CLPTM1L: variants seen among roughly 807,000 people sequenced by gnomAD.
CLPTM1L encodes the protein lipid scramblase CLPTM1L.
CLPTM1L carries 38 observed loss-of-function variants against 70.9 expected under a neutral mutation model. The observed-to-expected ratio is 0.54, with a 90% CI of 0.41 to 0.70. CLPTM1L has a LOEUF of 0.70. Ranked by LOEUF, CLPTM1L falls within the 30% of genes least tolerant of loss-of-function variation. CLPTM1L has a pLI of 0.00. For missense variants in CLPTM1L, 652 were observed against 705.9 expected (o/e 0.92, Z 0.87); for synonymous variants, 339 against 299.9 (o/e 1.13, Z -1.35).
chr5:1,342,042 A>ACG lies in CLPTM1L; in HGVS notation c.264-184_264-183dup, dbSNP rs113865534. ...TGTGTGTGTGTGTGTGTGTGTGTGCACGCGCACGCGTGCGCGTCCTGAGAA... is the reference window on the plus strand; with the variant it reads ...TGTGTGTGTGTGTGTGTGTGTGTGCACGCGCGCACGCGTGCGCGTCCTGAGAA... On this transcript the variant is annotated intron_variant, in intron 2 of 16. Coordinates refer to ENST00000320895, the MANE Select transcript of CLPTM1L (RefSeq NM_030782.5). The surrounding 1 kb of genome is among the most constrained non-coding windows in gnomAD (Gnocchi z 4.3). 0.038 allele frequency among the ~76,000 whole-genome samples: 5,507 copies of ACG among 146,708 alleles called. 159 individuals are homozygous for ACG. Among genetic ancestry groups the ACG allele is most frequent in the African/African-American group, 0.077 (3,007 of 39,058 alleles).
intron 7 of CLPTM1L, among the ~76,000 whole-genome samples, chr5:1,333,430 A>G (rs1753289042): frequency 8.3e-6 from 1 of 120,282 alleles, no homozygotes; most frequent in African/African-American, 3.1e-5. Context: ...GGATGAGGAT[A>G]AGGGGGGACT....
Position 1,334,389 on chromosome 5 carries a change from A to G in CLPTM1L, c.797-6T>C, listed in dbSNP as rs773161597. On this transcript the variant is annotated splice_polypyrimidine_tract_variant and splice_region_variant and intron_variant, in intron 6 of 16. Transcript: ENST00000320895. ...AGCATCTTTCTCTGAAAACCCTGTC[A>G]AGGAAAAAAAAACATACAATATAAA... The G allele has an allele frequency of 6.6e-7, 1 of 1,509,204 alleles. No individual in the cohort carries two copies. The highest frequency in any genetic ancestry group is 1.5e-5 in the African/African-American group (1 of 66,452). The allele number at this position is 1,509,204 out of a possible 1,614,324, so 93.5% of individuals were successfully genotyped here. A position where few individuals can be genotyped will look rare whatever the true frequency, so the allele number is the denominator to read the frequency against.
At chr5:1,327,614 G>C (rs977500636) in intron 9 of CLPTM1L, among the ~76,000 whole-genome samples, 4 of 149,084 alleles carry the variant, frequency 2.7e-5, no homozygotes, top group Non-Finnish European at 5.9e-5. Context: ...ATTTCATCCA[G>C]CTCCTCCTCT....
rs1753997399 is a variant in CLPTM1L, at chr5:1,342,249, C to G, written c.264-389G>C. ...ACCACACACACTGAATCACCCAACT[C>G]CGAAGCGACAGAAGGGAAGGGCAGC... On this transcript the variant is annotated intron_variant, in intron 2 of 16. Transcript: ENST00000320895. This position sits in a 1 kb window ranked among gnomAD's most constrained non-coding sequence, Gnocchi z 4.3. Among the ~76,000 whole-genome samples, 1 of 152,148 alleles carries G rather than the reference C, an allele frequency of 6.6e-6. No individual in the cohort carries two copies. The highest frequency in any genetic ancestry group is 1.5e-5 in the Non-Finnish European group (1 of 68,026).
intron 6 of CLPTM1L, 133 bp downstream of exon 6, chr5:1,334,924 C>A: frequency 1.6e-6 from 1 of 636,650 alleles, no homozygotes. Context: ...CGCTGCTAGC[C>A]TCTGATTCAA....
At chr5:1,344,538 C>A in intron 1 of CLPTM1L, 87 bp from the exon 2 acceptor site, 1 of 1,482,278 alleles carries the variant, frequency 6.7e-7, no homozygotes, top group Non-Finnish European at 9.3e-7. Context: ...GGGCGGAAGA[C>A]CTGGCCGCTG....
chr5:1,335,017 G>C, intron 6 of CLPTM1L, 40 bp downstream of exon 6: 2 of 1,526,810 alleles, frequency 1.3e-6, no homozygotes, highest in Non-Finnish European at 1.8e-6. Flanking sequence ...AGGGGCTCCA[G>C]GGCGGCCTCA....
chr5:1,325,346 CCAGG>C, intron 10 of CLPTM1L: 1 of 255,886 alleles, frequency 3.9e-6, no homozygotes, highest in Non-Finnish European at 7.4e-6. Flanking sequence ...TTATGGGCGC[CCAGG>C]CACTGGGGCA....
intron 3 of CLPTM1L, among the ~76,000 whole-genome samples, chr5:1,341,442 C>T (rs150818569): frequency 0.012 from 1,897 of 152,294 alleles, 34 homozygotes; most frequent in African/African-American, 0.042. Context: ...ATCGAGAATG[C>T]CAGCGATCAC....
At chr5:1,323,030 C>A in intron 12 of CLPTM1L, 119 bp from the exon 13 acceptor site, 2 of 977,880 alleles carry the variant, frequency 2.0e-6, no homozygotes, top group Admixed American at 2.0e-5. Flanking sequence ...GCTCTCACGG[C>A]AGCTCGGCAG....
chr5:1,327,726 TCCAGCTCCTCCTCTACAGGGACATTCCAC>T (rs1561235722), intron 9 of CLPTM1L, among the ~76,000 whole-genome samples: 46 of 146,850 alleles, frequency 3.1e-4, no homozygotes, highest in Middle Eastern at 3.9e-3. Flanking sequence ...GGACATTTCA[TCCAGCTCCTCCTCTACAGGGACATTCCAC>T]CCAGCTCCTC....
Position 1,334,330 on chromosome 5 carries a change from A to T in CLPTM1L, c.850T>A (p.Leu284Ile), listed in dbSNP as rs1372248368. The part of the protein sequence containing the change: ...EVKGIFVDTN[L>I]YFLALTFFVA... Reference sequence around the variant, plus strand: ...AAGAAGGTCAGCGCCAGGAAGTATAAGTTGGTATCTACAAAAATTCCTTTC... The same window carrying T: ...AAGAAGGTCAGCGCCAGGAAGTATATGTTGGTATCTACAAAAATTCCTTTC... The change falls in exon 7 of 17, where the codon TTA (leucine) becomes ATA (isoleucine). Residue 284 changes from leucine (L) to isoleucine (I), a missense_variant. Coordinates refer to ENST00000320895, the MANE Select transcript of CLPTM1L (RefSeq NM_030782.5). The T allele has an allele frequency of 1.2e-6, 2 of 1,613,936 alleles. No homozygotes were observed. Among genetic ancestry groups the T allele is most frequent in the Non-Finnish European group, 1.7e-6 (2 of 1,179,852 alleles).
chr5:1,335,595 C>T (rs1753527352), intron 5 of CLPTM1L, among the ~76,000 whole-genome samples: 1 of 152,270 alleles, frequency 6.6e-6, no homozygotes, highest in East Asian at 1.9e-4. Flanking sequence ...ACGGGACAAG[C>T]ACAGCCCTGC....
In CLPTM1L at chr5:1,337,961, C is replaced by A; in HGVS notation, c.621G>T (p.Val207=). ...CGATGAACAGGATGGGCAGGTAATG[C>A]ACGGTTTTCCCCAGCTGGATCCTGG... ...YMKMIQLGKT[V]HYLPILFIDQ... is the part of the protein sequence containing the mutation. The change falls in exon 5 of 17, where the codon GTG becomes GTT. Residue 207 remains valine, a synonymous_variant. Coordinates refer to ENST00000320895, the MANE Select transcript of CLPTM1L (RefSeq NM_030782.5). The A allele has an allele frequency of 1.9e-6, 3 of 1,607,596 alleles. No individual in the cohort carries two copies. Among genetic ancestry groups the A allele is most frequent in the Non-Finnish European group, 2.5e-6 (3 of 1,178,016 alleles).
At position 1,331,894 on chromosome 5, in the gene CLPTM1L, C is replaced by G; in HGVS notation, c.892-11G>C. On this transcript the variant is annotated splice_polypyrimidine_tract_variant and intron_variant, in intron 7 of 16. Coordinates refer to ENST00000320895, the MANE Select transcript of CLPTM1L (RefSeq NM_030782.5). The stretch of plus-strand genomic sequence containing the variant: ...GAAATCAAAGAGAAGCTAGAGAGAA[C>G]ACACACGACAGCAACTCACATCTCC... 1 of 1,608,708 alleles carries G rather than the reference C, an allele frequency of 6.2e-7. No individual in the cohort carries two copies. Among genetic ancestry groups the G allele is most frequent in the Non-Finnish European group, 8.5e-7 (1 of 1,175,878 alleles).
At chr5:1,326,015 C>A (rs1252714784) in intron 9 of CLPTM1L, 199 bp from the exon 10 acceptor site, 4 of 573,794 alleles carry the variant, frequency 7.0e-6, no homozygotes, top group African/African-American at 1.9e-5. Context: ...GCAGGCGTAC[C>A]TGGTCAGGTG....
chr5:1,343,224 A>G (rs1454532176), intron 2 of CLPTM1L, among the ~76,000 whole-genome samples: 1 of 152,172 alleles, frequency 6.6e-6, no homozygotes, highest in South Asian at 2.1e-4. Context: ...CAAAGTTGTA[A>G]TGAAAAACAC....
chr5:1,335,928 T>G (rs931405635), intron 5 of CLPTM1L, among the ~76,000 whole-genome samples: 20 of 148,086 alleles, frequency 1.4e-4, no homozygotes, highest in Admixed American at 8.7e-4. Context: ...CTAATCCACC[T>G]GCCCTGCCTC....
intron 9 of CLPTM1L, among the ~76,000 whole-genome samples, chr5:1,328,979 G>C (rs1397495130): frequency 1.3e-5 from 2 of 151,500 alleles, no homozygotes; most frequent in East Asian, 1.9e-4. Flanking sequence ...ATTTCATACA[G>C]CTCCTCCTCT....
Sources: gnomAD v4.1 joint callset for allele counts (sites outside exome capture counted in the v4.1 genomes callset) on GRCh38, gnomAD v4.1.1 for gene constraint, Gnocchi (gnomAD v3.1) non-coding constraint, MANE v1.5 for transcripts, NCBI Gene and HGNC (gene_info 2026-07-23, HGNC 2026-07-21) for gene names.